TTLL11: variants seen among roughly 807,000 people sequenced by gnomAD.
The protein encoded by TTLL11 is tubulin tyrosine ligase like 11, also known as tubulin polyglutamylase TTLL11.
In TTLL11, 42 loss-of-function variants were observed where a neutral mutation model predicts 51.7. The observed-to-expected ratio is 0.81, with a 90% CI of 0.64 to 1.05. TTLL11 has a LOEUF of 1.05. Among genes scored for constraint, TTLL11 ranks in the 50% least tolerant of loss-of-function variants. TTLL11 has a pLI of 0.00. For synonymous variants in TTLL11, 381 were observed against 383.5 expected, an observed-to-expected ratio of 0.99 and a Z score of 0.08; for missense variants, 799 against 940.4, an observed-to-expected ratio of 0.85 and a Z score of 1.97.
chr9:121,820,326 T>C lies in TTLL11; in HGVS notation c.*2261A>G, dbSNP rs1327765202. ...CAAGAAATGGTGTCACGTGAGAGCTTTGTTAAGACTTCTGGTGGCTCCCAG... is the reference window on the plus strand; with the variant it reads ...CAAGAAATGGTGTCACGTGAGAGCTCTGTTAAGACTTCTGGTGGCTCCCAG... On this transcript the variant is annotated 3_prime_UTR_variant, in exon 9 of 9. Coordinates refer to ENST00000321582, the MANE Select transcript of TTLL11 (RefSeq NM_001139442.2). 4.6e-5 allele frequency among the ~76,000 whole-genome samples: 7 copies of C among 152,218 alleles called. No individual in the cohort carries two copies. The highest frequency in any genetic ancestry group is 1.4e-4 in the African/African-American group (6 of 41,458).
At chr9:121,898,256 C>T (rs12335622) in intron 6 of TTLL11, among the ~76,000 whole-genome samples, 2 of 152,192 alleles carry the variant, frequency 1.3e-5, no homozygotes, top group Non-Finnish European at 2.9e-5. Flanking sequence ...ACCCCCACCC[C>T]CACAGAGAGA....
At chr9:121,862,460 C>G (rs1368488863) in intron 7 of TTLL11, among the ~76,000 whole-genome samples, 1 of 152,192 alleles carries the variant, frequency 6.6e-6, no homozygotes, top group African/African-American at 2.4e-5. Flanking sequence ...CCCCAACTCT[C>G]TCCCCCTTTT....
At chr9:122,013,656 C>T (rs1461651689) in intron 3 of TTLL11, among the ~76,000 whole-genome samples, 3 of 152,170 alleles carry the variant, frequency 2.0e-5, no homozygotes, top group Non-Finnish European at 4.4e-5. Flanking sequence ...AGCTTCAGTT[C>T]CTCACCTGGG....
At chr9:121,949,597 G>A (rs1841787811) in intron 6 of TTLL11, among the ~76,000 whole-genome samples, 1 of 152,124 alleles carries the variant, frequency 6.6e-6, no homozygotes, top group South Asian at 2.1e-4. Context: ...CACAGTCAGT[G>A]CAAAAGTTTG....
intron 6 of TTLL11, among the ~76,000 whole-genome samples, chr9:121,929,166 G>A (rs1840864431): frequency 6.6e-6 from 1 of 152,134 alleles, no homozygotes. Context: ...TTTTGGCCGG[G>A]CGCGGTGGCT....
At chr9:121,847,664 C>T (rs930357331) in intron 8 of TTLL11, among the ~76,000 whole-genome samples, 10 of 152,094 alleles carry the variant, frequency 6.6e-5, no homozygotes, top group African/African-American at 2.4e-4. Context: ...TAATCAATAA[C>T]TTTTCAAAAA....
chr9:121,833,531 C>A (rs1398806844), intron 8 of TTLL11, among the ~76,000 whole-genome samples: 1 of 152,180 alleles, frequency 6.6e-6, no homozygotes, highest in Non-Finnish European at 1.5e-5. Context: ...AAAGAACATC[C>A]ATTTTTCTCA....
intron 8 of TTLL11, among the ~76,000 whole-genome samples, chr9:121,852,797 C>T (rs752521049): frequency 1.6e-4 from 25 of 152,166 alleles, no homozygotes; most frequent in East Asian, 3.9e-4. Context: ...ATAATTCTGA[C>T]GCCAACTATT....
At chr9:121,961,462 T>C (rs930002160) in intron 6 of TTLL11, among the ~76,000 whole-genome samples, 1 of 152,034 alleles carries the variant, frequency 6.6e-6, no homozygotes, top group African/African-American at 2.4e-5. Flanking sequence ...TCTGCCCTAT[T>C]TATGGTGATA....
At chr9:121,850,253 G>A (rs1364669983) in intron 8 of TTLL11, among the ~76,000 whole-genome samples, 1 of 152,138 alleles carries the variant, frequency 6.6e-6, no homozygotes, top group African/African-American at 2.4e-5. Context: ...GATTTATTAG[G>A]GGAATTGGCT....
chr9:122,036,450 C>T (rs986501161), intron 2 of TTLL11, among the ~76,000 whole-genome samples: 1 of 151,518 alleles, frequency 6.6e-6, no homozygotes, highest in South Asian at 2.1e-4. Context: ...GATTTAGATA[C>T]GTCTAAAGAA....
chr9:121,988,949 T>C, intron 4 of TTLL11: 2 of 815,962 alleles, frequency 2.5e-6, no homozygotes, highest in Non-Finnish European at 3.6e-6. Context: ...CAAGAACCTT[T>C]TAAGATAGGT....
At chr9:122,027,255 A>G (rs1214733213) in intron 3 of TTLL11, among the ~76,000 whole-genome samples, 4 of 152,148 alleles carry the variant, frequency 2.6e-5, no homozygotes, top group African/African-American at 7.2e-5. Context: ...CCATGATCCA[A>G]TCACCTCCCA....
At chr9:122,053,325 G>A (rs544323479) in intron 1 of TTLL11, among the ~76,000 whole-genome samples, 2 of 152,302 alleles carry the variant, frequency 1.3e-5, no homozygotes, top group Admixed American at 6.5e-5. Flanking sequence ...GGGGCGTGAA[G>A]TAGGCCTTCG....
intron 6 of TTLL11, among the ~76,000 whole-genome samples, chr9:121,893,037 G>A (rs1190443009): frequency 6.6e-6 from 1 of 152,168 alleles, no homozygotes; most frequent in Non-Finnish European, 1.5e-5. Flanking sequence ...TTAGTTCTAA[G>A]TATTATTATT....
intron 8 of TTLL11, among the ~76,000 whole-genome samples, chr9:121,833,216 G>A (rs987387038): frequency 9.9e-5 from 15 of 152,106 alleles, no homozygotes; most frequent in African/African-American, 3.6e-4. Flanking sequence ...TGCTAGAGAA[G>A]GCAGCCTTCG....
In TTLL11 at chr9:121,820,814, A is replaced by G. The variant is rs1163809313; in HGVS notation, c.*1773T>C. Among the ~76,000 whole-genome samples the G allele has an allele frequency of 6.6e-6, 1 of 151,362 alleles. No homozygotes were observed. Among genetic ancestry groups the G allele is most frequent in the Non-Finnish European group, 1.5e-5 (1 of 67,856 alleles). ...CCACCTGTCCTGCCTTCTGCTTGGG[A>G]AAATAAAGTGATTGCAGAAGTCTGC... On this transcript the variant is annotated 3_prime_UTR_variant, in exon 9 of 9. Coordinates refer to ENST00000321582, the MANE Select transcript of TTLL11 (RefSeq NM_001139442.2).
intron 1 of TTLL11, among the ~76,000 whole-genome samples, chr9:122,084,402 A>G (rs1418308380): frequency 6.6e-6 from 1 of 152,178 alleles, no homozygotes; most frequent in Non-Finnish European, 1.5e-5. Flanking sequence ...TGGCAGCGGC[A>G]GCAGCTGGCA....
intron 6 of TTLL11, among the ~76,000 whole-genome samples, chr9:121,955,149 A>T (rs56172515): frequency 0.32 from 48,940 of 152,140 alleles, 8,141 homozygotes; most frequent in Middle Eastern, 0.36. Context: ...CATCAGGGAT[A>T]ATCTTAATTA....
Sources: allele counts gnomAD v4.1 joint callset (sites outside exome capture counted in the v4.1 genomes callset), GRCh38; gene constraint gnomAD v4.1.1; transcripts MANE v1.5; gene names NCBI Gene and HGNC (gene_info 2026-07-23, HGNC 2026-07-21).